NRXN1: variants seen among roughly 807,000 people sequenced by gnomAD.
The protein encoded by NRXN1 is neurexin 1.
NRXN1 carries 39 observed loss-of-function variants against 150.9 expected under a neutral mutation model. The ratio of observed to expected loss-of-function variants is 0.26; its 90% CI spans 0.20 to 0.34. NRXN1 has a LOEUF of 0.34. NRXN1 is among the 10% of genes least tolerant of loss of function. The pLI, the probability that NRXN1 is intolerant of heterozygous loss-of-function variation, is 1.00. For synonymous variants in NRXN1, 924 were observed against 757.0 expected, an observed-to-expected ratio of 1.22 and a Z score of -3.62; for missense variants, 1,815 against 1,949.9, an observed-to-expected ratio of 0.93 and a Z score of 1.30.
At chr2:50,282,751 T>C (rs1264458245) in intron 17 of NRXN1, among the ~76,000 whole-genome samples, 1 of 152,084 alleles carries the variant, frequency 6.6e-6, no homozygotes, top group Non-Finnish European at 1.5e-5. Flanking sequence ...CCAAAGAAAA[T>C]CCAAGTTAAA....
intron 5 of NRXN1, among the ~76,000 whole-genome samples, chr2:50,764,474 A>C (rs1044421250): frequency 1.3e-5 from 2 of 152,058 alleles, no homozygotes; most frequent in African/African-American, 4.8e-5. Context: ...GGTGATAATG[A>C]GTAACACATA....
At chr2:50,170,567 G>T (rs545097350) in intron 18 of NRXN1, among the ~76,000 whole-genome samples, 1 of 152,082 alleles carries the variant, frequency 6.6e-6, no homozygotes, top group South Asian at 2.1e-4. Flanking sequence ...AAAATTCTGG[G>T]ATTACAGGAG....
intron 19 of NRXN1, among the ~76,000 whole-genome samples, chr2:50,060,459 G>C (rs577582289): frequency 1.3e-5 from 2 of 152,252 alleles, no homozygotes; most frequent in East Asian, 1.9e-4. Context: ...TGAGACTTTG[G>C]ACTGTGGACT....
At chr2:50,424,395 T>C (rs2084312705) in intron 17 of NRXN1, among the ~76,000 whole-genome samples, 1 of 149,028 alleles carries the variant, frequency 6.7e-6, no homozygotes, top group Non-Finnish European at 1.5e-5. Flanking sequence ...AGGAGAAATG[T>C]TTGCAAATCA....
In NRXN1 at chr2:50,631,321, C is replaced by T. The variant is rs552464263; in HGVS notation, c.833-7706G>A. 8.1e-4 allele frequency: 236 copies of T among 290,594 alleles called. 1 individual carries two copies. Among genetic ancestry groups the T allele is most frequent in the South Asian group, 7.3e-3 (228 of 31,136 alleles). 18.0% of individuals were successfully genotyped at this position (290,594 alleles called of 1,614,324 possible). A position where few individuals can be genotyped will look rare whatever the true frequency, so the allele number is the denominator to read the frequency against. On this transcript the variant is annotated intron_variant, in intron 5 of 22. Transcript: ENST00000401669. ...CAGAAATAAATTGCCAAGCTTCTAT[C>T]AAATAATTCAAAAGGAGACCCAGGA... is the stretch of plus-strand genomic sequence containing the variant.
At chr2:50,490,230 G>C (rs2104856359) in intron 15 of NRXN1, among the ~76,000 whole-genome samples, 1 of 152,240 alleles carries the variant, frequency 6.6e-6, no homozygotes, top group South Asian at 2.1e-4. Context: ...GAAGCCAAAG[G>C]AATAATTCTA....
intron 11 of NRXN1, among the ~76,000 whole-genome samples, chr2:50,529,924 CA>C (rs1266125323): frequency 1.3e-5 from 2 of 152,036 alleles, no homozygotes; most frequent in African/African-American, 4.8e-5. Context: ...TGATTATATG[CA>C]ATAAGATACC....
intron 18 of NRXN1, among the ~76,000 whole-genome samples, chr2:50,232,664 C>A (rs989028043): frequency 1.3e-5 from 2 of 151,922 alleles, no homozygotes; most frequent in Non-Finnish European, 2.9e-5. Flanking sequence ...GGATTACAGG[C>A]GTGAGCCACT....
intron 17 of NRXN1, among the ~76,000 whole-genome samples, chr2:50,332,400 C>G (rs1363163550): frequency 6.6e-6 from 1 of 152,184 alleles, no homozygotes; most frequent in Non-Finnish European, 1.5e-5. Context: ...AATTAGAGCT[C>G]TGTTTTGAAA....
intron 21 of NRXN1, among the ~76,000 whole-genome samples, chr2:49,973,365 C>T (rs1678299307): frequency 6.6e-6 from 1 of 151,986 alleles, no homozygotes; most frequent in Non-Finnish European, 1.5e-5. Context: ...TTACATTAAT[C>T]AGGTTTAATC....
chr2:50,666,125 C>T (rs1264356611), intron 5 of NRXN1, among the ~76,000 whole-genome samples: 1 of 151,894 alleles, frequency 6.6e-6, no homozygotes, highest in Non-Finnish European at 1.5e-5. Flanking sequence ...TTTACAATTT[C>T]TAGAATTTAA....
chr2:50,802,486 C>G (rs1413932610), intron 5 of NRXN1, among the ~76,000 whole-genome samples: 1 of 121,680 alleles, frequency 8.2e-6, no homozygotes, highest in African/African-American at 3.3e-5. Context: ...GAGTGAATCT[C>G]TGAGAAAGAG....
chr2:49,989,755 C>G (rs1396348915), intron 21 of NRXN1, among the ~76,000 whole-genome samples: 1 of 152,076 alleles, frequency 6.6e-6, no homozygotes, highest in Non-Finnish European at 1.5e-5. Flanking sequence ...CAAGAGCAGA[C>G]TAGAGTGAGA....
At chr2:50,441,213 C>T (rs1444833212) in intron 17 of NRXN1, among the ~76,000 whole-genome samples, 1 of 152,034 alleles carries the variant, frequency 6.6e-6, no homozygotes, top group East Asian at 1.9e-4. Context: ...GATATTTTAT[C>T]TTAAATGTAG....
intron 21 of NRXN1, among the ~76,000 whole-genome samples, chr2:49,955,255 G>C (rs1194260903): frequency 6.6e-6 from 1 of 152,032 alleles, no homozygotes; most frequent in Non-Finnish European, 1.5e-5. Flanking sequence ...AACAAGTATA[G>C]ATTATTTTCT....
rs562829312 is a variant in NRXN1 at position 50,371,605 on chromosome 2, C to T, written c.3364+93837G>A. On this transcript the variant is annotated intron_variant, in intron 17 of 22. Coordinates refer to ENST00000401669, the MANE Select transcript of NRXN1 (RefSeq NM_001330078.2). The stretch of plus-strand genomic sequence containing the variant: ...GACCAGATTTTTATCCTGGGATCTA[C>T]GAATAAGTTTCAAGGGAAGGATGAA... 2.4e-4 allele frequency among the ~76,000 whole-genome samples: 36 copies of T among 151,996 alleles called. No homozygotes were observed. In the South Asian group the frequency reaches 3.1e-3, roughly 13 times the overall value.
intron 2 of NRXN1, among the ~76,000 whole-genome samples, chr2:50,961,185 G>A (rs552963895): frequency 1.8e-4 from 27 of 151,752 alleles, no homozygotes; most frequent in Non-Finnish European, 3.7e-4. Context: ...CCTGTGAATT[G>A]ACTCAAGCAT....
chr2:50,870,313 G>A (rs963496004), intron 5 of NRXN1, among the ~76,000 whole-genome samples: 2 of 151,798 alleles, frequency 1.3e-5, no homozygotes, highest in Non-Finnish European at 2.9e-5. Flanking sequence ...CCCACATTGA[G>A]TAAAATTTAG....
intron 5 of NRXN1, among the ~76,000 whole-genome samples, chr2:50,848,431 TA>T (rs1674011256): frequency 6.6e-6 from 1 of 152,108 alleles, no homozygotes; most frequent in South Asian, 2.1e-4. Flanking sequence ...TCAGAAAAGC[TA>T]ATGACATATG....
Sources: gnomAD v4.1 joint callset for allele counts (sites outside exome capture counted in the v4.1 genomes callset) on GRCh38, gnomAD v4.1.1 for gene constraint, MANE v1.5 for transcripts, NCBI Gene and HGNC (gene_info 2026-07-23, HGNC 2026-07-21) for gene names.